PRELID2: variants seen among roughly 807,000 people sequenced by gnomAD.
PRELID2 encodes PRELI domain-containing protein 2.
A neutral mutation model predicts 28.4 loss-of-function variants in PRELID2; 25 were observed. That is an observed-to-expected ratio of 0.88 (90% confidence interval 0.64 to 1.23). The LOEUF (loss-of-function observed/expected upper bound fraction) is 1.23, where lower values mean the gene tolerates loss of function less well. Ranked by LOEUF, PRELID2 falls within the 50% of genes most tolerant of loss-of-function variation. The pLI, the probability that PRELID2 is intolerant of heterozygous loss-of-function variation, is 0.00. For synonymous variants in PRELID2, 76 were observed against 71.6 expected (o/e 1.06, Z -0.31); for missense variants, 201 against 214.4 (o/e 0.94, Z 0.39).
the PRELID2 span, among the ~76,000 whole-genome samples, chr5:145,427,020 T>A: frequency 6.6e-6 from 1 of 152,234 alleles, no homozygotes; most frequent in Non-Finnish European, 1.5e-5. Context: ...CTACACATCA[T>A]AATTGGACAA....
At chr5:145,313,696 G>A in the PRELID2 span, among the ~76,000 whole-genome samples, 1 of 152,198 alleles carries the variant, frequency 6.6e-6, no homozygotes, top group Non-Finnish European at 1.5e-5. Flanking sequence ...CTGGGCAACA[G>A]CTGGGGTATT....
the PRELID2 span, among the ~76,000 whole-genome samples, chr5:145,311,881 G>T: frequency 1.2e-4 from 18 of 151,908 alleles, no homozygotes; most frequent in African/African-American, 4.1e-4. Flanking sequence ...TATGAGAAGG[G>T]GCCCGTGGTT....
chr5:145,720,226 C>T (rs941179294), intron 1 of PRELID2, among the ~76,000 whole-genome samples: 7 of 151,384 alleles, frequency 4.6e-5, no homozygotes, highest in South Asian at 2.1e-4. Flanking sequence ...TACAGAAAAT[C>T]TAAATCCACA....
At chr5:145,700,744 T>C (rs1755387000) in intron 1 of PRELID2, among the ~76,000 whole-genome samples, 1 of 152,166 alleles carries the variant, frequency 6.6e-6, no homozygotes, top group Non-Finnish European at 1.5e-5. Context: ...TACCAGACTA[T>C]ATGGGAGCAT....
the PRELID2 span, among the ~76,000 whole-genome samples, chr5:145,395,128 A>G: frequency 6.6e-6 from 1 of 152,100 alleles, no homozygotes; most frequent in African/African-American, 2.4e-5. Flanking sequence ...ATCTCATTCA[A>G]TCTTTACAAC....
chr5:145,598,220 A>G (rs1321222669), intron 1 of PRELID2, among the ~76,000 whole-genome samples: 2 of 152,188 alleles, frequency 1.3e-5, no homozygotes, highest in East Asian at 1.9e-4. Context: ...TATTAAATAG[A>G]CCAGTACCAG....
At chr5:145,718,664 A>G (rs1424678149) in intron 1 of PRELID2, among the ~76,000 whole-genome samples, 1 of 152,026 alleles carries the variant, frequency 6.6e-6, no homozygotes, top group Non-Finnish European at 1.5e-5. Context: ...TTAAGCCATA[A>G]AAATTAACAA....
chr5:145,806,458 C>G (rs1452551692), intron 4 of PRELID2, among the ~76,000 whole-genome samples: 1 of 152,210 alleles, frequency 6.6e-6, no homozygotes, highest in Non-Finnish European at 1.5e-5. Context: ...ACACATGAAG[C>G]TGCCATCTCC....
At chr5:145,696,923 TAATA>T (rs1397529140) in intron 1 of PRELID2, among the ~76,000 whole-genome samples, 1 of 150,548 alleles carries the variant, frequency 6.6e-6, no homozygotes, top group Non-Finnish European at 1.5e-5. Flanking sequence ...CCACTTTTGG[TAATA>T]AAGGCTGGAA....
chr5:145,409,284 C>A, the PRELID2 span, among the ~76,000 whole-genome samples: 1 of 152,112 alleles, frequency 6.6e-6, no homozygotes, highest in Admixed American at 6.5e-5. Context: ...ATAAATCTCA[C>A]AAGGCCTAGA....
At chr5:145,704,936 C>T (rs925950404) in intron 1 of PRELID2, among the ~76,000 whole-genome samples, 3 of 152,154 alleles carry the variant, frequency 2.0e-5, no homozygotes, top group African/African-American at 7.2e-5. Flanking sequence ...GACTGCTTTC[C>T]AGGCCCTTTC....
At chr5:145,690,153 G>A (rs1223236918) in intron 1 of PRELID2, among the ~76,000 whole-genome samples, 2 of 151,720 alleles carry the variant, frequency 1.3e-5, no homozygotes, top group Non-Finnish European at 2.9e-5. Flanking sequence ...AACCACGCCC[G>A]GCTACTTTTT....
the PRELID2 span, among the ~76,000 whole-genome samples, chr5:145,305,128 T>C: frequency 6.6e-6 from 1 of 152,090 alleles, no homozygotes; most frequent in Non-Finnish European, 1.5e-5. Context: ...TTTTAAAGCA[T>C]AAACATAGGC....
the PRELID2 span, among the ~76,000 whole-genome samples, chr5:145,350,176 G>T: frequency 6.6e-6 from 1 of 152,166 alleles, no homozygotes; most frequent in Non-Finnish European, 1.5e-5. Flanking sequence ...ATAAGATAAA[G>T]CCTGATGACT....
At chr5:145,441,663 A>G in the PRELID2 span, among the ~76,000 whole-genome samples, 1 of 152,138 alleles carries the variant, frequency 6.6e-6, no homozygotes, top group Admixed American at 6.6e-5. Context: ...TAGGAAGTCC[A>G]GAGAACTATT....
chr5:145,741,951 A>AT (rs1756806244), intron 1 of PRELID2, among the ~76,000 whole-genome samples: 1 of 6,444 alleles, frequency 1.6e-4, no homozygotes, highest in Non-Finnish European at 8.6e-4. Flanking sequence ...AAATAAATTT[A>AT]TTATAATTAA....
intron 1 of PRELID2, among the ~76,000 whole-genome samples, chr5:145,640,037 C>T (rs921450645): frequency 6.6e-6 from 1 of 152,068 alleles, no homozygotes; most frequent in African/African-American, 2.4e-5. Context: ...ATTATATTCA[C>T]ATTGGTGGGG....
At chr5:145,645,338 C>CTTTTTT (rs35732947) in intron 1 of PRELID2, among the ~76,000 whole-genome samples, 5 of 47,850 alleles carry the variant, frequency 1.0e-4, no homozygotes, top group African/African-American at 4.8e-4. Context: ...GCAACTCCTG[C>CTTTTTT]TTTTTTTTTT....
chr5:145,374,081 T>C, the PRELID2 span, among the ~76,000 whole-genome samples: 1 of 151,208 alleles, frequency 6.6e-6, no homozygotes, highest in Admixed American at 6.6e-5. Flanking sequence ...ATAGTGTGAT[T>C]GGTCTTTATA....
Sources: allele counts gnomAD v4.1 joint callset (sites outside exome capture counted in the v4.1 genomes callset), GRCh38; gene constraint gnomAD v4.1.1; transcripts MANE v1.5; gene names NCBI Gene and HGNC (gene_info 2026-07-23, HGNC 2026-07-21).